KCNG2: variants seen among roughly 807,000 people sequenced by gnomAD.
KCNG2 encodes voltage-gated potassium channel regulatory subunit KCNG2.
Under a neutral mutation model 12.3 loss-of-function variants are expected in KCNG2, and 7 were observed. The observed-to-expected ratio is 0.57, with a 90% CI of 0.32 to 1.07. The LOEUF (loss-of-function observed/expected upper bound fraction) is 1.07, where lower values mean the gene tolerates loss of function less well. Ranked by LOEUF, KCNG2 falls within the 50% of genes least tolerant of loss-of-function variation. The pLI is 0.04. For synonymous variants in KCNG2, 414 were observed against 351.4 expected, an observed-to-expected ratio of 1.18 and a Z score of -1.99; for missense variants, 703 against 726.0, an observed-to-expected ratio of 0.97 and a Z score of 0.36.
chr18:79,867,909 G>A (rs370833733), intron 3 of KCNG2, among the ~76,000 whole-genome samples: 2 of 152,250 alleles, frequency 1.3e-5, no homozygotes, highest in Admixed American at 1.3e-4. Context: ...GGCACAGCAA[G>A]AAGCTGAACT....
At chr18:79,828,556 T>A (rs909147867) in intron 1 of KCNG2, among the ~76,000 whole-genome samples, 3 of 151,414 alleles carry the variant, frequency 2.0e-5, no homozygotes, top group Non-Finnish European at 3.0e-5. Flanking sequence ...TCTGTGTGTC[T>A]ATCTGTGTGC....
intron 1 of KCNG2, among the ~76,000 whole-genome samples, chr18:79,846,405 T>C (rs1391442363): frequency 1.4e-5 from 2 of 141,830 alleles, no homozygotes; most frequent in African/African-American, 5.2e-5. Context: ...AGAGTGAGAC[T>C]CTGTCTCAGA....
chr18:79,898,545 C>G (rs1462386016), intron 3 of KCNG2, among the ~76,000 whole-genome samples: 1 of 152,210 alleles, frequency 6.6e-6, no homozygotes, highest in Non-Finnish European at 1.5e-5. Context: ...AGGGAAGAAG[C>G]CCTCCTGACT....
intron 1 of KCNG2, among the ~76,000 whole-genome samples, chr18:79,814,000 A>C (rs1323706545): frequency 1.3e-5 from 2 of 152,226 alleles, no homozygotes; most frequent in Admixed American, 6.5e-5. Flanking sequence ...AAGCAGGTGC[A>C]AAGACACCTA....
At chr18:79,840,950 C>T (rs1001251842) in intron 1 of KCNG2, among the ~76,000 whole-genome samples, 26 of 152,152 alleles carry the variant, frequency 1.7e-4, no homozygotes, top group Non-Finnish European at 2.4e-4. Context: ...TCATGACTTA[C>T]AATAAAACTA....
chr18:79,808,138 C>T (rs1157022159), intron 1 of KCNG2, among the ~76,000 whole-genome samples: 2 of 119,568 alleles, frequency 1.7e-5, no homozygotes, highest in African/African-American at 3.4e-5. Context: ...GAGGAGCTGC[C>T]GGGGACACAC....
At chr18:79,850,938 T>A (rs1978794394) in intron 1 of KCNG2, among the ~76,000 whole-genome samples, 1 of 152,138 alleles carries the variant, frequency 6.6e-6, no homozygotes, top group African/African-American at 2.4e-5. Flanking sequence ...CGGTTCCAGC[T>A]CTCATGCCGA....
intron 1 of KCNG2, among the ~76,000 whole-genome samples, chr18:79,843,825 A>C (rs1353889139): frequency 6.6e-6 from 1 of 152,216 alleles, no homozygotes; most frequent in Non-Finnish European, 1.5e-5. Flanking sequence ...AATCAAAGGA[A>C]CTACAAAACA....
intron 3 of KCNG2, among the ~76,000 whole-genome samples, chr18:79,872,579 C>T (rs894282628): frequency 7.9e-5 from 12 of 152,148 alleles, no homozygotes; most frequent in African/African-American, 2.9e-4. Context: ...GCACCGCGCC[C>T]GGCCAATTCT....
rs910320347 is a variant in KCNG2 at position 79,884,944 on chromosome 18, C to T, written c.625-14096C>T. Reference sequence around the variant, plus strand: ...GCGTCCTGACACCAGGGCTGGGAAGCCCACACTGATCTCTGAGTGTGCGGT... The same window carrying T: ...GCGTCCTGACACCAGGGCTGGGAAGTCCACACTGATCTCTGAGTGTGCGGT... On this transcript the variant is annotated intron_variant, in intron 3 of 3. Coordinates refer to ENST00000316249, the MANE Select transcript of KCNG2 (RefSeq NM_012283.2). This position sits in a 1 kb window ranked among gnomAD's most constrained non-coding sequence, Gnocchi z 5.5. Among the ~76,000 whole-genome samples the T allele has an allele frequency of 2.0e-5, 3 of 152,182 alleles. No individual in the cohort carries two copies. Among genetic ancestry groups the T allele is most frequent in the Non-Finnish European group, 4.4e-5 (3 of 68,014 alleles).
chr18:79,862,960 G>A (rs935702075), intron 2 of KCNG2, among the ~76,000 whole-genome samples: 1 of 152,226 alleles, frequency 6.6e-6, no homozygotes, highest in Non-Finnish European at 1.5e-5. Flanking sequence ...GAGCGACAAA[G>A]CTTATTATTG....
rs557307438 is a variant in KCNG2 at position 79,821,537 on chromosome 18, G to A, written c.-115+23523G>A. ...ACTCCTGACCTCAGGTTGTCCACCCGCCTCGGCCTCCCAAAGTGCTGGGAT... is the reference window on the plus strand; with the variant it reads ...ACTCCTGACCTCAGGTTGTCCACCCACCTCGGCCTCCCAAAGTGCTGGGAT... On this transcript the variant is annotated intron_variant, in intron 1 of 3. Transcript: ENST00000316249. Among the ~76,000 whole-genome samples, 36 of 151,988 alleles carry A rather than the reference G, an allele frequency of 2.4e-4. No homozygotes were observed. The East Asian group carries it at 5.8e-3, about 25-fold the overall frequency.
chr18:79,840,035 G>C (rs962817376), intron 1 of KCNG2, among the ~76,000 whole-genome samples: 5 of 152,216 alleles, frequency 3.3e-5, no homozygotes, highest in African/African-American at 1.2e-4. Context: ...AAGACTGAAT[G>C]TTCTTCCCCT....
chr18:79,845,016 A>G (rs1306338565), intron 1 of KCNG2, among the ~76,000 whole-genome samples: 1 of 152,194 alleles, frequency 6.6e-6, no homozygotes, highest in Non-Finnish European at 1.5e-5. Flanking sequence ...CCTGGAAATA[A>G]CCAAAATGTT....
chr18:79,865,127 T>C (rs1300916642), intron 3 of KCNG2, among the ~76,000 whole-genome samples: 1 of 141,396 alleles, frequency 7.1e-6, no homozygotes, highest in Non-Finnish European at 1.5e-5. Flanking sequence ...GTCTGGGTGC[T>C]GAGAGGGCTG....
intron 1 of KCNG2, among the ~76,000 whole-genome samples, chr18:79,828,922 CTA>C (rs537499986): frequency 1.6e-4 from 20 of 127,700 alleles, no homozygotes; most frequent in East Asian, 4.8e-4. Context: ...CTGTGTGTGT[CTA>C]TGTGTGCGTG....
rs940064348 is a variant in KCNG2, at chr18:79,800,177, T to C, written c.-115+2163T>C. Among the ~76,000 whole-genome samples, 7 of 151,554 alleles carry C rather than the reference T, an allele frequency of 4.6e-5. No individual in the cohort carries two copies. Among genetic ancestry groups the C allele is most frequent in the Non-Finnish European group, 8.8e-5 (6 of 67,918 alleles). ...CGGGAGTGAAGGGAGCAGATGGGGCTGTGCCGACAGGCATGAGCTCTGGGG... is the reference window on the plus strand; with the variant it reads ...CGGGAGTGAAGGGAGCAGATGGGGCCGTGCCGACAGGCATGAGCTCTGGGG... On this transcript the variant is annotated intron_variant, in intron 1 of 3. Transcript: ENST00000316249. The surrounding 1 kb of genome is among the most constrained non-coding windows in gnomAD (Gnocchi z 4.0).
rs556085441 is a variant in KCNG2 at position 79,854,266 on chromosome 18, G to T, written c.-114-2113G>T. ...AGCCCCCAGCCCCTGTGTGAGGGCA[G>T]CAGTGGCCGTGTGTGCCTGGGTGCC... On this transcript the variant is annotated intron_variant, in intron 1 of 3. Coordinates refer to ENST00000316249, the MANE Select transcript of KCNG2 (RefSeq NM_012283.2). Among the ~76,000 whole-genome samples the T allele has an allele frequency of 5.5e-4, 84 of 152,356 alleles. 1 individual carries two copies. The highest frequency in any genetic ancestry group is 7.8e-4 in the Non-Finnish European group (53 of 68,028).
intron 3 of KCNG2, among the ~76,000 whole-genome samples, chr18:79,871,520 G>A (rs891714262): frequency 6.6e-6 from 1 of 152,172 alleles, no homozygotes; most frequent in Non-Finnish European, 1.5e-5. Flanking sequence ...GGTATAACAA[G>A]GGCTGTATTA....
Sources: gnomAD v4.1 joint callset for allele counts (sites outside exome capture counted in the v4.1 genomes callset) on GRCh38, gnomAD v4.1.1 for gene constraint, Gnocchi (gnomAD v3.1) non-coding constraint, MANE v1.5 for transcripts, NCBI Gene and HGNC (gene_info 2026-07-23, HGNC 2026-07-21) for gene names.